Variants in ARHGAP15 observed in about 807,000 individuals in gnomAD.
ARHGAP15 encodes the protein rho GTPase-activating protein 15.
A neutral mutation model predicts 63.7 loss-of-function variants in ARHGAP15; 51 were observed. The observed-to-expected ratio is 0.80, with a 90% CI of 0.64 to 1.01. The LOEUF (loss-of-function observed/expected upper bound fraction) is 1.01. ARHGAP15 is among the 50% of genes least tolerant of loss of function. The probability of loss-of-function intolerance (pLI) is 0.00; values close to 1 mark genes in which losing one functional copy is unlikely to be tolerated. For missense variants in ARHGAP15, 560 were observed against 564.6 expected, an observed-to-expected ratio of 0.99 and a Z score of 0.08; for synonymous variants, 191 against 193.8, an observed-to-expected ratio of 0.99 and a Z score of 0.12.
intron 13 of ARHGAP15, among the ~76,000 whole-genome samples, chr2:143,765,688 C>CT (rs1686924329): frequency 6.6e-6 from 1 of 152,050 alleles, no homozygotes; most frequent in Non-Finnish European, 1.5e-5. Flanking sequence ...TACGATGGAT[C>CT]GTATAGTCAG....
chr2:143,550,803 C>T (rs1410815691), intron 10 of ARHGAP15, among the ~76,000 whole-genome samples: 1 of 152,066 alleles, frequency 6.6e-6, no homozygotes, highest in Non-Finnish European at 1.5e-5. Context: ...AAAATAGTGG[C>T]TATTATTAAC....
Position 143,153,846 on chromosome 2 carries a change from CTCCTCCTCCTCCTCCTCCTCCTCCTCT to C in ARHGAP15, c.-14-1604_-14-1578del, listed in dbSNP as rs1558779674. Among the ~76,000 whole-genome samples the C allele has an allele frequency of 7.0e-5, 4 of 57,270 alleles. No homozygotes were observed. The East Asian group carries it at 1.4e-3, about 20-fold the overall frequency. 37.6% of individuals were successfully genotyped at this position (57,270 alleles called of 152,430 possible). A position where few individuals can be genotyped will look rare whatever the true frequency, so the allele number is the denominator to read the frequency against. On this transcript the variant is annotated intron_variant, in intron 1 of 13. Transcript: ENST00000295095. ...CTTCTTCTTCTTCTTCTTCTTCTTCCTCCTCCTCCTCCTCCTCCTCCTCCTCTTCCTCCTCCTCCTCCTCCTCCTCCT... is the reference window on the plus strand; with the variant it reads ...CTTCTTCTTCTTCTTCTTCTTCTTCCTCCTCCTCCTCCTCCTCCTCCTCCT...
intron 6 of ARHGAP15, among the ~76,000 whole-genome samples, chr2:143,257,118 T>C (rs1680467085): frequency 6.6e-6 from 1 of 152,138 alleles, no homozygotes; most frequent in Non-Finnish European, 1.5e-5. Context: ...ACACGAACTT[T>C]ATGTTGCCTG....
chr2:143,404,055 T>C (rs1318485021), intron 6 of ARHGAP15, among the ~76,000 whole-genome samples: 1 of 151,856 alleles, frequency 6.6e-6, no homozygotes, highest in Non-Finnish European at 1.5e-5. Context: ...TTTGGAGTTG[T>C]TGAGAAACAT....
intron 13 of ARHGAP15, among the ~76,000 whole-genome samples, chr2:143,738,096 A>T (rs1685822612): frequency 6.6e-6 from 1 of 150,774 alleles, no homozygotes; most frequent in African/African-American, 2.5e-5. Flanking sequence ...TCGGCAGCAT[A>T]TATATATTTT....
At chr2:143,426,371 A>G (rs1224482510) in intron 6 of ARHGAP15, among the ~76,000 whole-genome samples, 1 of 152,144 alleles carries the variant, frequency 6.6e-6, no homozygotes, top group Non-Finnish European at 1.5e-5. Context: ...TAGCATCCTA[A>G]GAGAAGTAGC....
chr2:143,457,582 A>G (rs1047237400), intron 8 of ARHGAP15, among the ~76,000 whole-genome samples: 2 of 150,406 alleles, frequency 1.3e-5, no homozygotes, highest in African/African-American at 4.9e-5. Context: ...ACATATTTAT[A>G]TTGTTGACTA....
At chr2:143,174,474 A>G (rs150536153) in intron 2 of ARHGAP15, among the ~76,000 whole-genome samples, 85 of 152,254 alleles carry the variant, frequency 5.6e-4, no homozygotes, top group African/African-American at 2.0e-3. Flanking sequence ...ACTCTAAAGA[A>G]ACTTATTTTT....
chr2:143,579,924 C>T (rs2105141574), intron 11 of ARHGAP15, among the ~76,000 whole-genome samples: 1 of 146,654 alleles, frequency 6.8e-6, no homozygotes, highest in East Asian at 2.0e-4. Context: ...TACATGTGCA[C>T]ATTGTGCAGG....
At chr2:143,441,235 A>T (rs1338996717) in intron 8 of ARHGAP15, among the ~76,000 whole-genome samples, 1 of 152,062 alleles carries the variant, frequency 6.6e-6, no homozygotes, top group African/African-American at 2.4e-5. Flanking sequence ...AGGTAGAAAA[A>T]GGGTACCAGA....
chr2:143,711,931 A>G (rs1248974583), intron 13 of ARHGAP15, among the ~76,000 whole-genome samples: 1 of 152,174 alleles, frequency 6.6e-6, no homozygotes, highest in African/African-American at 2.4e-5. Flanking sequence ...TCAAAAAACA[A>G]AAACAAAACA....
intron 9 of ARHGAP15, among the ~76,000 whole-genome samples, chr2:143,491,171 A>C (rs981245967): frequency 6.6e-6 from 1 of 152,214 alleles, no homozygotes; most frequent in South Asian, 2.1e-4. Context: ...TGAGCATCTC[A>C]TTGGGAACAA....
chr2:143,284,214 C>G (rs1049089521), intron 6 of ARHGAP15, among the ~76,000 whole-genome samples: 1 of 152,174 alleles, frequency 6.6e-6, no homozygotes, highest in African/African-American at 2.4e-5. Flanking sequence ...AGTTAACATA[C>G]AGAAGTGCAG....
At chr2:143,166,734 C>T (rs1690552427) in intron 2 of ARHGAP15, among the ~76,000 whole-genome samples, 1 of 152,120 alleles carries the variant, frequency 6.6e-6, no homozygotes, top group Non-Finnish European at 1.5e-5. Flanking sequence ...TCTCAAATGA[C>T]AAGCTTTGAT....
At chr2:143,703,230 C>G (rs375174539) in intron 12 of ARHGAP15, among the ~76,000 whole-genome samples, 189 bp from the exon 13 acceptor site, 1 of 152,138 alleles carries the variant, frequency 6.6e-6, no homozygotes, top group Non-Finnish European at 1.5e-5. Context: ...CTGCCACTGT[C>G]AAATTCAGAG....
At chr2:143,188,360 T>C (rs1160470908) in intron 2 of ARHGAP15, among the ~76,000 whole-genome samples, 1 of 151,960 alleles carries the variant, frequency 6.6e-6, no homozygotes, top group Non-Finnish European at 1.5e-5. Flanking sequence ...TAATTTTACT[T>C]ATATTTTATC....
At chr2:143,359,036 G>A (rs909850257) in intron 6 of ARHGAP15, among the ~76,000 whole-genome samples, 1 of 151,912 alleles carries the variant, frequency 6.6e-6, no homozygotes, top group Non-Finnish European at 1.5e-5. Context: ...ATTAGGGTGC[G>A]ATTGATTTAA....
At chr2:143,459,070 C>T (rs1690797536) in intron 8 of ARHGAP15, among the ~76,000 whole-genome samples, 1 of 151,978 alleles carries the variant, frequency 6.6e-6, no homozygotes, top group South Asian at 2.1e-4. Context: ...TTATACAGCA[C>T]CTTAAGAGTT....
intron 3 of ARHGAP15, among the ~76,000 whole-genome samples, chr2:143,207,515 C>A (rs924490672): frequency 6.6e-6 from 1 of 151,702 alleles, no homozygotes; most frequent in Non-Finnish European, 1.5e-5. Context: ...CACACACACA[C>A]ACACACACAG....
Sources: allele counts gnomAD v4.1 joint callset (sites outside exome capture counted in the v4.1 genomes callset), GRCh38; gene constraint gnomAD v4.1.1; transcripts MANE v1.5; gene names NCBI Gene and HGNC (gene_info 2026-07-23, HGNC 2026-07-21).